Variants in ARFGEF1 observed in about 807,000 individuals in gnomAD.
ARFGEF1 encodes the protein brefeldin A-inhibited guanine nucleotide-exchange protein 1.
Under a neutral mutation model 231.0 loss-of-function variants are expected in ARFGEF1, and 42 were observed. The observed-to-expected ratio is 0.18, with a 90% CI of 0.14 to 0.24. The LOEUF is 0.24. ARFGEF1 is among the 10% of genes least tolerant of loss of function. ARFGEF1 has a pLI of 1.00. For synonymous variants in ARFGEF1, 710 were observed against 732.3 expected, an observed-to-expected ratio of 0.97 and a Z score of 0.49; for missense variants, 1,345 against 2,192.0, an observed-to-expected ratio of 0.61 and a Z score of 7.72.
chr8:67,271,157 T>A lies in ARFGEF1; in HGVS notation c.1572+545A>T, dbSNP rs181052500. Among the ~76,000 whole-genome samples the A allele has an allele frequency of 1.1e-3, 164 of 150,932 alleles. 1 individual carries two copies. Among genetic ancestry groups the A allele is most frequent in the Non-Finnish European group, 1.7e-3 (113 of 67,856 alleles). ...TCTCTGACAATATTTTAGGACCACATGATTGCTATTCTATTTCCAAAGATC... is the reference window on the plus strand; with the variant it reads ...TCTCTGACAATATTTTAGGACCACAAGATTGCTATTCTATTTCCAAAGATC... On this transcript the variant is annotated intron_variant, in intron 10 of 38. Coordinates refer to ENST00000262215, the MANE Select transcript of ARFGEF1 (RefSeq NM_006421.5).
intron 5 of ARFGEF1, among the ~76,000 whole-genome samples, chr8:67,185,138 A>G (rs1199358652): frequency 1.3e-5 from 2 of 151,714 alleles, no homozygotes; most frequent in African/African-American, 2.4e-5. Context: ...CAAACAAACA[A>G]ACAAAAAACA....
intron 33 of ARFGEF1, among the ~76,000 whole-genome samples, chr8:67,213,248 G>C (rs1179285067): frequency 1.6e-4 from 24 of 152,188 alleles, no homozygotes; most frequent in Admixed American, 1.6e-3. Flanking sequence ...GCGTTAGTTT[G>C]CTACTTTACA....
intron 10 of ARFGEF1, among the ~76,000 whole-genome samples, chr8:67,269,534 A>G (rs1447536236): frequency 6.6e-6 from 1 of 151,796 alleles, no homozygotes; most frequent in Non-Finnish European, 1.5e-5. Context: ...TATTTTTAGT[A>G]GAGATGGGGT....
At chr8:67,176,518 C>G (rs1831679531) in intron 5 of ARFGEF1, among the ~76,000 whole-genome samples, 2 of 152,112 alleles carry the variant, frequency 1.3e-5, no homozygotes, top group Non-Finnish European at 1.5e-5. Flanking sequence ...AAGCCTAATT[C>G]TAGGATAAGC....
chr8:67,277,520 GCA>G, intron 7 of ARFGEF1, 63 bp from the exon 8 acceptor site: 1 of 1,451,952 alleles, frequency 6.9e-7, no homozygotes, highest in Non-Finnish European at 9.4e-7. Context: ...TATTTAAAAA[GCA>G]CAGAGTATTT....
intron 1 of ARFGEF1, among the ~76,000 whole-genome samples, chr8:67,325,345 G>T (rs1031006016): frequency 6.6e-6 from 1 of 152,034 alleles, no homozygotes; most frequent in Non-Finnish European, 1.5e-5. Context: ...TAAGGGCAAA[G>T]CAAAGGTTGT....
intron 23 of ARFGEF1, among the ~76,000 whole-genome samples, chr8:67,232,576 AC>A (rs1839589299): frequency 6.6e-6 from 1 of 152,002 alleles, no homozygotes; most frequent in Non-Finnish European, 1.5e-5. Context: ...AGAAAATAAA[AC>A]ATTTGTATTC....
At chr8:67,334,527 A>G in intron 1 of ARFGEF1, among the ~76,000 whole-genome samples, 1 of 152,218 alleles carries the variant, frequency 6.6e-6, no homozygotes, top group East Asian at 1.9e-4. Flanking sequence ...GTTTCTTAAA[A>G]AGTTAAACAT....
At chr8:67,301,989 T>C (rs926005313) in intron 2 of ARFGEF1, among the ~76,000 whole-genome samples, 4 of 152,084 alleles carry the variant, frequency 2.6e-5, no homozygotes, top group Non-Finnish European at 5.9e-5. Context: ...CGTGGGTCAC[T>C]TGAGTTCAGG....
Position 67,236,362 on chromosome 8 carries a change from AAAAATATATATATATATATATAT to A in ARFGEF1, c.3289+1958_3289+1980del, listed in dbSNP as rs1839752119. Among the ~76,000 whole-genome samples, 11 of 41,760 alleles carry A rather than the reference AAAAATATATATATATATATATAT, an allele frequency of 2.6e-4. No homozygotes were observed. In the South Asian group the frequency reaches 3.6e-3, roughly 14 times the overall value. The allele number at this position is 41,760 out of a possible 152,430, so 27.4% of individuals were successfully genotyped here. ...AAAGATATTAGTTAAAAAAAAAAAA[AAAAATATATATATATATATATAT>A]ATATATATATATATATATATATATA... On this transcript the variant is annotated intron_variant, in intron 22 of 38. Transcript: ENST00000262215.
chr8:67,343,701 T>A lies in ARFGEF1; in HGVS notation c.-414A>T. 1 of 762,732 alleles carries A rather than the reference T, an allele frequency of 1.3e-6. No individual in the cohort carries two copies. Among genetic ancestry groups the A allele is most frequent in the Non-Finnish European group, 1.6e-6 (1 of 624,550 alleles). The allele number at this position is 762,732 out of a possible 1,614,324, so 47.2% of individuals were successfully genotyped here. A position where few individuals can be genotyped will look rare whatever the true frequency, so the allele number is the denominator to read the frequency against. ...GCGAGAGAAGGGCTACCCTGGCTAC[T>A]GTGGGGATTAGCACCCGCCGCGGCC... is the stretch of plus-strand genomic sequence containing the variant. On this transcript the variant is annotated 5_prime_UTR_variant, in exon 1 of 39. Transcript: ENST00000262215.
intron 23 of ARFGEF1, among the ~76,000 whole-genome samples, chr8:67,231,432 T>A (rs1839549388): frequency 6.6e-6 from 1 of 152,094 alleles, no homozygotes; most frequent in African/African-American, 2.4e-5. Flanking sequence ...TGAAATAGCA[T>A]AAATTCTTAA....
Position 67,201,447 on chromosome 8 carries a change from A to C in ARFGEF1, c.5267+20T>G. ...CACGTGGCTACCTGGTCAGAGATGG[A>C]AATCAGTCAAAAGTCTTACTTCAAA... On this transcript the variant is annotated intron_variant, in intron 37 of 38. Transcript: ENST00000262215. 6.3e-7 allele frequency: 1 copy of C among 1,596,482 alleles called. No individual in the cohort carries two copies. The highest frequency in any genetic ancestry group is 8.5e-7 in the Non-Finnish European group (1 of 1,173,582).
At chr8:67,300,659 TCAAAAAA>T (rs1281687301) in intron 3 of ARFGEF1, among the ~76,000 whole-genome samples, 1 of 58,512 alleles carries the variant, frequency 1.7e-5, no homozygotes, top group Non-Finnish European at 2.9e-5. Context: ...TCTTGTCTCT[TCAAAAAA>T]AAAAAAAAAA....
At chr8:67,310,264 C>T (rs536634657) in intron 1 of ARFGEF1, among the ~76,000 whole-genome samples, 280 of 152,292 alleles carry the variant, frequency 1.8e-3, no homozygotes, top group African/African-American at 6.3e-3. Flanking sequence ...CGCGCCACCA[C>T]GCCTGACTGG....
At position 67,211,341 on chromosome 8, in the gene ARFGEF1, G is replaced by A. The variant is rs555225890; in HGVS notation, c.4819+142C>T. ...AGACTGGGCGACAGAGTGAAACTCCGTCTCAAAAAAAAAAAAAAAAAAAAG... is the reference window on the plus strand; with the variant it reads ...AGACTGGGCGACAGAGTGAAACTCCATCTCAAAAAAAAAAAAAAAAAAAAG... On this transcript the variant is annotated intron_variant, in intron 34 of 38. Coordinates refer to ENST00000262215, the MANE Select transcript of ARFGEF1 (RefSeq NM_006421.5). The A allele has an allele frequency of 5.5e-4, 279 of 503,840 alleles. 2 individuals carry two copies. The African/African-American group carries it at 8.3e-3, about 15-fold the overall frequency. The allele number at this position is 503,840 out of a possible 1,614,324, so 31.2% of individuals were successfully genotyped here.
intron 1 of ARFGEF1, among the ~76,000 whole-genome samples, chr8:67,311,463 T>TG (rs1159218514): frequency 4.4e-4 from 34 of 77,646 alleles, no homozygotes; most frequent in Admixed American, 1.3e-3. Flanking sequence ...GGGAGGGAGG[T>TG]GGGGGGGTCA....
intron 1 of ARFGEF1, among the ~76,000 whole-genome samples, chr8:67,341,069 C>T (rs944060948): frequency 1.3e-5 from 2 of 152,110 alleles, no homozygotes; most frequent in Non-Finnish European, 2.9e-5. Context: ...TTACAGAGAA[C>T]TTAAGGCCCA....
intron 23 of ARFGEF1, among the ~76,000 whole-genome samples, chr8:67,229,438 G>A (rs1186840380): frequency 6.6e-6 from 1 of 151,920 alleles, no homozygotes; most frequent in South Asian, 2.1e-4. Context: ...CTGACAATGA[G>A]TAAAAAACAA....
Sources: gnomAD v4.1 joint callset for allele counts (sites outside exome capture counted in the v4.1 genomes callset) on GRCh38, gnomAD v4.1.1 for gene constraint, MANE v1.5 for transcripts, NCBI Gene and HGNC (gene_info 2026-07-23, HGNC 2026-07-21) for gene names.